MUSK: variants seen among roughly 807,000 people sequenced by gnomAD.
The protein encoded by MUSK is muscle, skeletal receptor tyrosine-protein kinase.
Under a neutral mutation model 88.7 loss-of-function variants are expected in MUSK, and 55 were observed. The observed-to-expected ratio is 0.62, with a 90% CI of 0.50 to 0.78. The LOEUF (loss-of-function observed/expected upper bound fraction) is 0.78. Ranked by LOEUF, MUSK falls within the 30% of genes least tolerant of loss-of-function variation. MUSK has a pLI of 0.00. For synonymous variants in MUSK, 387 were observed against 391.9 expected (o/e 0.99, Z 0.15); for missense variants, 1,015 against 1,074.3 (o/e 0.94, Z 0.77).
At position 110,751,418 on chromosome 9, in the gene MUSK, C is replaced by T. The variant is rs189966293; in HGVS notation, c.913+3618C>T. 9.2e-5 allele frequency among the ~76,000 whole-genome samples: 14 copies of T among 152,134 alleles called. No homozygotes were observed. In the East Asian group the frequency reaches 2.5e-3, roughly 27 times the overall value. ...AGAAAGACCAGAATGAGGATGGGGA[C>T]AATCAGCAATGGCCACCCAGGAAAA... On this transcript the variant is annotated intron_variant, in intron 7 of 14. Transcript: ENST00000374448.
intron 5 of MUSK, among the ~76,000 whole-genome samples, chr9:110,733,608 T>C (rs1164974079): frequency 6.6e-6 from 1 of 151,864 alleles, no homozygotes. Context: ...ATCTGAAAAG[T>C]TTGACACAAT....
intron 5 of MUSK, among the ~76,000 whole-genome samples, chr9:110,724,835 T>G (rs1344987177): frequency 6.6e-6 from 1 of 152,110 alleles, no homozygotes; most frequent in East Asian, 1.9e-4. Flanking sequence ...GCTATAATTA[T>G]TATATATCAT....
At chr9:110,676,860 A>G (rs904815311) in intron 1 of MUSK, among the ~76,000 whole-genome samples, 1 of 152,162 alleles carries the variant, frequency 6.6e-6, no homozygotes, top group African/African-American at 2.4e-5. Context: ...CAGTGAACAT[A>G]GGTGTGCATG....
chr9:110,757,411 A>G (rs2131910305), intron 7 of MUSK, among the ~76,000 whole-genome samples: 1 of 151,028 alleles, frequency 6.6e-6, no homozygotes, highest in African/African-American at 2.4e-5. Context: ...GTGAGCCAAG[A>G]TTGTGCCACT....
chr9:110,758,791 A>G (rs531997290), intron 7 of MUSK, among the ~76,000 whole-genome samples: 29 of 152,348 alleles, frequency 1.9e-4, no homozygotes, highest in African/African-American at 6.7e-4. Flanking sequence ...AAGCCAAATC[A>G]GAAACACAAT....
Position 110,737,121 on chromosome 9 carries a change from TA to T in MUSK, c.753+2751del, listed in dbSNP as rs758573752. 4.5e-4 allele frequency among the ~76,000 whole-genome samples: 68 copies of T among 152,138 alleles called. 2 individuals carry two copies. In the Middle Eastern group the frequency reaches 0.014, roughly 30 times the overall value. Reference sequence around the variant, plus strand: ...GATTTTCTTAGTTTGTTACATCTGTTAAAAATTTTTTTTTCAAAATTTTAAT... The same window carrying T: ...GATTTTCTTAGTTTGTTACATCTGTTAAAATTTTTTTTTCAAAATTTTAAT... On this transcript the variant is annotated intron_variant, in intron 6 of 14. Transcript: ENST00000374448.
At chr9:110,695,664 AT>A (rs2076422168) in intron 4 of MUSK, 134 bp downstream of exon 4, 1 of 760,758 alleles carries the variant, frequency 1.3e-6, no homozygotes, top group Non-Finnish European at 2.0e-6. Context: ...AAATGTAAAT[AT>A]TTCTGTTTGC....
intron 5 of MUSK, among the ~76,000 whole-genome samples, chr9:110,711,703 C>T (rs1020012681): frequency 3.3e-5 from 5 of 152,184 alleles, no homozygotes; most frequent in South Asian, 2.1e-4. Flanking sequence ...TTCTTGATGC[C>T]CATATGGTTA....
intron 5 of MUSK, chr9:110,727,821 A>G (rs947511478): frequency 5.9e-5 from 9 of 152,138 alleles, no homozygotes; most frequent in African/African-American, 2.2e-4. Context: ...TGTTAGCAAT[A>G]GCATGGCCAT....
chr9:110,737,257 C>T (rs140072142), intron 6 of MUSK, among the ~76,000 whole-genome samples: 20 of 151,316 alleles, frequency 1.3e-4, no homozygotes, highest in Admixed American at 8.6e-4. Context: ...TGGTTTGCAC[C>T]GAGTCTTTAG....
chr9:110,690,509 T>A (rs373540003), intron 3 of MUSK, among the ~76,000 whole-genome samples: 2,813 of 18,764 alleles, frequency 0.15, 57 homozygotes, highest in African/African-American at 0.23. Flanking sequence ...AGTATATATA[T>A]AAATATATAT....
intron 3 of MUSK, among the ~76,000 whole-genome samples, chr9:110,688,682 T>C (rs1300503351): frequency 6.6e-6 from 1 of 151,948 alleles, no homozygotes; most frequent in East Asian, 1.9e-4. Flanking sequence ...GTTCCCATCG[T>C]TAGCTCCCAC....
At chr9:110,780,012 T>C (rs781332878) in intron 11 of MUSK, among the ~76,000 whole-genome samples, 81 of 152,098 alleles carry the variant, frequency 5.3e-4, no homozygotes, top group Non-Finnish European at 2.2e-4. Flanking sequence ...CACCTCTTTG[T>C]TCCTCTTTTA....
At chr9:110,700,749 G>C (rs372177721) in intron 5 of MUSK, among the ~76,000 whole-genome samples, 17 of 152,272 alleles carry the variant, frequency 1.1e-4, no homozygotes, top group African/African-American at 4.1e-4. Context: ...TAATGCACAA[G>C]GGTTGTATTT....
chr9:110,677,855 G>C (rs1051798344), intron 1 of MUSK, among the ~76,000 whole-genome samples: 1 of 152,068 alleles, frequency 6.6e-6, no homozygotes, highest in Non-Finnish European at 1.5e-5. Context: ...CTGCCTTTTT[G>C]ACTGTGATAG....
chr9:110,748,283 A>G (rs754954442), intron 7 of MUSK, among the ~76,000 whole-genome samples: 20 of 151,532 alleles, frequency 1.3e-4, no homozygotes, highest in Non-Finnish European at 1.9e-4. Context: ...TGGTTGATCA[A>G]ACTTTCCAAG....
In MUSK at chr9:110,784,864, G is replaced by T; in HGVS notation, c.1434G>T (p.Leu478=). Residue 478 remains leucine, a synonymous_variant, in exon 12 of 15, where the codon CTG becomes CTT. Coordinates refer to ENST00000374448, the MANE Select transcript of MUSK (RefSeq NM_005592.4). ...AGCCAAGTGTGGACATTCCAAATCT[G>T]CCTTCCTCCTCCTCTTCTTCCTTCT... ...SSKPSVDIPN[L]PSSSSSSFSV... is the part of the protein sequence containing the mutation. 1.2e-6 allele frequency: 2 copies of T among 1,613,718 alleles called. No individual in the cohort carries two copies. Among genetic ancestry groups the T allele is most frequent in the Non-Finnish European group, 1.7e-6 (2 of 1,179,778 alleles).
Position 110,728,720 on chromosome 9 carries a change from A to AT in MUSK, c.629-5522dup, listed in dbSNP as rs147019531. On this transcript the variant is annotated intron_variant, in intron 5 of 14. Coordinates refer to ENST00000374448, the MANE Select transcript of MUSK (RefSeq NM_005592.4). ...TGAACCCGAACAAGATACTAAAGGTATTTTTTTTTCTTTCTGCATGGCTTC... is the reference window on the plus strand; with the variant it reads ...TGAACCCGAACAAGATACTAAAGGTATTTTTTTTTTCTTTCTGCATGGCTTC... 0.014 allele frequency: 22,106 copies of AT among 1,538,882 alleles called. 2,294 individuals carry two copies. The African/African-American group carries it at 0.26, about 18-fold the overall frequency.
chr9:110,727,618 T>C (rs1224588120), intron 5 of MUSK: 2 of 208,826 alleles, frequency 9.6e-6, no homozygotes, highest in Non-Finnish European at 2.0e-5. Context: ...TGCATGGTCC[T>C]TGGCACCCAT....
Sources: gnomAD v4.1 joint callset for allele counts (sites outside exome capture counted in the v4.1 genomes callset) on GRCh38, gnomAD v4.1.1 for gene constraint, MANE v1.5 for transcripts, NCBI Gene and HGNC (gene_info 2026-07-23, HGNC 2026-07-21) for gene names.